CFHR1: variants seen among roughly 807,000 people sequenced by gnomAD.
CFHR1 encodes complement factor H-related protein 1.
A neutral mutation model predicts 30.4 loss-of-function variants in CFHR1; 22 were observed. The observed-to-expected ratio is 0.72, with a 90% CI of 0.52 to 1.03. The LOEUF (loss-of-function observed/expected upper bound fraction) is 1.03. CFHR1 is among the 50% of genes least tolerant of loss of function. The pLI is 0.00. For synonymous variants in CFHR1, 95 were observed against 129.1 expected (o/e 0.74, Z 1.79); for missense variants, 248 against 380.6 (o/e 0.65, Z 2.90).
rs1198215483 is a variant in CFHR1 at position 196,824,785 on chromosome 1, CGT to C, written c.59-679_59-678del. 3.6e-4 allele frequency among the ~76,000 whole-genome samples: 18 copies of C among 50,476 alleles called. 1 individual carries two copies. Among genetic ancestry groups the C allele is most frequent in the South Asian group, 1.5e-3 (2 of 1,312 alleles). 33.1% of individuals were successfully genotyped at this position (50,476 alleles called of 152,430 possible). The stretch of plus-strand genomic sequence containing the variant: ...ATATATATATATATATATATATGTG[CGT>C]GTGTGTGTGTGTTCACAAGTATAAA... On this transcript the variant is annotated intron_variant, in intron 1 of 5. Coordinates refer to ENST00000320493, the MANE Select transcript of CFHR1 (RefSeq NM_002113.3).
rs1325066690 is a variant in CFHR1, at chr1:196,822,550, C to A, written c.58+2648C>A. Among the ~76,000 whole-genome samples, 7 of 133,238 alleles carry A rather than the reference C, an allele frequency of 5.3e-5. 2 individuals carry two copies. The highest frequency in any genetic ancestry group is 9.4e-5 in the Non-Finnish European group (6 of 63,962). 87.4% of individuals were successfully genotyped at this position (133,238 alleles called of 152,430 possible). A position where few individuals can be genotyped will look rare whatever the true frequency, so the allele number is the denominator to read the frequency against. ...TAAACCTTTTTGTTAAAAACAGACA[C>A]AAACACACACATTAACCTCGGCCTA... On this transcript the variant is annotated intron_variant, in intron 1 of 5. Transcript: ENST00000320493.
intron 1 of CFHR1, among the ~76,000 whole-genome samples, chr1:196,822,452 A>C (rs1447547715): frequency 1.1e-5 from 1 of 91,392 alleles, no homozygotes; most frequent in East Asian, 2.9e-4. Flanking sequence ...AGAGATGTAC[A>C]AAAGATTTTT....
intron 1 of CFHR1, among the ~76,000 whole-genome samples, chr1:196,823,179 A>G (rs1655189811): frequency 1.5e-5 from 2 of 133,478 alleles, no homozygotes; most frequent in Non-Finnish European, 3.1e-5. Context: ...AAATATTGAG[A>G]CAATAAAAAT....
rs562122214 is a variant in CFHR1 at position 196,820,530 on chromosome 1, G to A, written c.58+628G>A. ...CTGCTTCTTATGATATTTTATAAAC[G>A]GTCCCATTTTATTTCATGTTGAAAT... On this transcript the variant is annotated intron_variant, in intron 1 of 5. Coordinates refer to ENST00000320493, the MANE Select transcript of CFHR1 (RefSeq NM_002113.3). Among the ~76,000 whole-genome samples the A allele has an allele frequency of 3.8e-3, 453 of 119,466 alleles. 3 individuals are homozygous for A. The highest frequency in any genetic ancestry group is 0.016 in the African/African-American group (412 of 26,014). 78.4% of individuals were successfully genotyped at this position (119,466 alleles called of 152,430 possible). A position where few individuals can be genotyped will look rare whatever the true frequency, so the allele number is the denominator to read the frequency against.
At position 196,825,655 on chromosome 1, in the gene CFHR1, A is replaced by C; in HGVS notation, c.237A>C (p.Pro79=). 2 of 1,523,870 alleles carry C rather than the reference A, an allele frequency of 1.3e-6. 1 individual carries two copies. The highest frequency in any genetic ancestry group is 1.8e-6 in the Non-Finnish European group (2 of 1,128,082). The allele number at this position is 1,523,870 out of a possible 1,614,324, so 94.4% of individuals were successfully genotyped here. Residue 79 remains proline, a synonymous_variant, in exon 2 of 6, where the codon CCA becomes CCC. Coordinates refer to ENST00000320493, the MANE Select transcript of CFHR1 (RefSeq NM_002113.3). ...CATGCACAGAAGAAGGATGGTCACC[A>C]ACACCAAAGTGTCTCAGTGAGTAAA... ...RITCTEEGWS[P]TPKCLRLCFF... is the part of the protein sequence containing the mutation.
intron 3 of CFHR1, 60 bp downstream of exon 3, chr1:196,827,065 A>T (rs1655357087): frequency 1.4e-6 from 2 of 1,438,712 alleles, no homozygotes; most frequent in East Asian, 4.5e-5. Context: ...AGAGAAATAA[A>T]TCTTTTTTAC....
rs1655203948 is a variant in CFHR1 at position 196,823,503 on chromosome 1, A to G, written c.59-1974A>G. Among the ~76,000 whole-genome samples the G allele has an allele frequency of 1.5e-5, 2 of 135,156 alleles. 1 individual carries two copies. The highest frequency in any genetic ancestry group is 3.1e-5 in the Non-Finnish European group (2 of 64,278). The allele number at this position is 135,156 out of a possible 152,430, so 88.7% of individuals were successfully genotyped here. On this transcript the variant is annotated intron_variant, in intron 1 of 5. Transcript: ENST00000320493. Reference sequence around the variant, plus strand: ...CTCAACACCTTTACCAAAACTATCTAATGTCAAATTTTAAACAGTTAGATA... The same window carrying G: ...CTCAACACCTTTACCAAAACTATCTGATGTCAAATTTTAAACAGTTAGATA...
At chr1:196,828,025 T>C in intron 3 of CFHR1, 45 bp from the exon 4 acceptor site, 6 of 1,479,938 alleles carry the variant, frequency 4.1e-6, no homozygotes, top group Non-Finnish European at 5.4e-6. Flanking sequence ...GATTTGCTAC[T>C]CAAAATGAAC....
Position 196,826,788 on chromosome 1 carries a change from G to A in CFHR1, c.254-41G>A, listed in dbSNP as rs186530184. 2,848 of 1,451,366 alleles carry A rather than the reference G, an allele frequency of 2.0e-3. 418 individuals are homozygous for A. Among genetic ancestry groups the A allele is most frequent in the Non-Finnish European group, 1.9e-3 (2,013 of 1,065,434 alleles). The allele number at this position is 1,451,366 out of a possible 1,614,324, so 89.9% of individuals were successfully genotyped here. A position where few individuals can be genotyped will look rare whatever the true frequency, so the allele number is the denominator to read the frequency against. On this transcript the variant is annotated intron_variant, in intron 2 of 5. Transcript: ENST00000320493. ...TAAAATGCAGTTGTACTTTTTCTTTGCTACTTCCATCTTGTACATTAATCC... is the reference window on the plus strand; with the variant it reads ...TAAAATGCAGTTGTACTTTTTCTTTACTACTTCCATCTTGTACATTAATCC...
Position 196,825,871 on chromosome 1 carries a change from G to A in CFHR1, c.253+200G>A. On this transcript the variant is annotated intron_variant, in intron 2 of 5. Coordinates refer to ENST00000320493, the MANE Select transcript of CFHR1 (RefSeq NM_002113.3). ...ATATGTCAACTGTCTTGTGTTACCT[G>A]GAAATGCTCTACGTGTTGAAATATA... is the stretch of plus-strand genomic sequence containing the variant. The A allele has an allele frequency of 4.0e-6, 2 of 494,846 alleles. 1 individual carries two copies. The highest frequency in any genetic ancestry group is 5.1e-5 in the African/African-American group (2 of 39,270). 30.7% of individuals were successfully genotyped at this position (494,846 alleles called of 1,614,324 possible). A position where few individuals can be genotyped will look rare whatever the true frequency, so the allele number is the denominator to read the frequency against.
Position 196,828,227 on chromosome 1 carries a change from A to G in CFHR1, c.588A>G (p.Thr196=), listed in dbSNP as rs3201739. ...TGATGTGTTTAAATGGAAACTGGAC[A>G]GAACCACCTCAATGCAAAGGTAGAG... is the stretch of plus-strand genomic sequence containing the variant. ...EEVMCLNGNW[T]EPPQCKDSTG... Residue 196 remains threonine, a synonymous_variant, in exon 4 of 6, where the codon ACA becomes ACG. Transcript: ENST00000320493. 0.15 allele frequency: 137,061 copies of G among 937,300 alleles called. 51,416 individuals carry two copies. Among genetic ancestry groups the G allele is most frequent in the East Asian group, 0.36 (9,447 of 26,438 alleles). 58.1% of individuals were successfully genotyped at this position (937,300 alleles called of 1,614,324 possible).
chr1:196,829,340 C>T lies in CFHR1; in HGVS notation c.607+1094C>T, dbSNP rs1310231174. Among the ~76,000 whole-genome samples, 5 of 135,146 alleles carry T rather than the reference C, an allele frequency of 3.7e-5. 2 individuals carry two copies. Among genetic ancestry groups the T allele is most frequent in the African/African-American group, 1.6e-4 (5 of 31,656 alleles). 88.7% of individuals were successfully genotyped at this position (135,146 alleles called of 152,430 possible). A position where few individuals can be genotyped will look rare whatever the true frequency, so the allele number is the denominator to read the frequency against. On this transcript the variant is annotated intron_variant, in intron 4 of 5. Coordinates refer to ENST00000320493, the MANE Select transcript of CFHR1 (RefSeq NM_002113.3). ...AAACTCATTTGCTTCAAATATCAAA[C>T]ATAATTGAAAAAACTTATGAGGAAA...
intron 1 of CFHR1, among the ~76,000 whole-genome samples, chr1:196,822,751 T>A (rs10801568): frequency 7.5e-6 from 1 of 133,896 alleles, no homozygotes; most frequent in East Asian, 2.0e-4. Context: ...CAGTTAATTT[T>A]TTTAATCAAT....
intron 1 of CFHR1, 112 bp from the exon 2 acceptor site, chr1:196,825,365 C>T: frequency 1.2e-6 from 1 of 804,336 alleles, no homozygotes; most frequent in Non-Finnish European, 1.9e-6. Flanking sequence ...AAGCTAAAGG[C>T]ATTTAAGCTA....
rs1424300592 is a variant in CFHR1, at chr1:196,822,934, A to G, written c.59-2543A>G. Among the ~76,000 whole-genome samples the G allele has an allele frequency of 1.1e-4, 15 of 134,184 alleles. 2 individuals carry two copies. Among genetic ancestry groups the G allele is most frequent in the Admixed American group, 4.3e-4 (6 of 13,882 alleles). The allele number at this position is 134,184 out of a possible 152,430, so 88.0% of individuals were successfully genotyped here. ...TTGTTTACCCCCGGCATTGCCACAA[A>G]TATGTGAGTAATATATTGCACTGCA... On this transcript the variant is annotated intron_variant, in intron 1 of 5. Transcript: ENST00000320493.
intron 1 of CFHR1, among the ~76,000 whole-genome samples, chr1:196,823,101 A>ATATATGTGTG (rs1553292704): frequency 2.1e-5 from 1 of 47,034 alleles, no homozygotes; most frequent in African/African-American, 1.1e-4. Context: ...ATATATATAT[A>ATATATGTGTG]TGTGTGTGTG....
At position 196,830,102 on chromosome 1, in the gene CFHR1, T is replaced by C. The variant is rs1455199570; in HGVS notation, c.608-398T>C. On this transcript the variant is annotated intron_variant, in intron 4 of 5. Transcript: ENST00000320493. ...AAATTTTTATCATACTTTTCCATTT[T>C]ATAATTCCTACGGGATTTTTAAGAA... Among the ~76,000 whole-genome samples the C allele has an allele frequency of 3.7e-5, 5 of 135,612 alleles. 1 individual carries two copies. Among genetic ancestry groups the C allele is most frequent in the Non-Finnish European group, 6.2e-5 (4 of 64,418 alleles). 89.0% of individuals were successfully genotyped at this position (135,612 alleles called of 152,430 possible).
chr1:196,824,221 A>G (rs1368809713), intron 1 of CFHR1, among the ~76,000 whole-genome samples: 1 of 131,852 alleles, frequency 7.6e-6, no homozygotes, highest in African/African-American at 3.3e-5. Context: ...ATTTGTACAT[A>G]ACCTGTGCAT....
In CFHR1 at chr1:196,831,063, C is replaced by T. The variant is rs1348032085; in HGVS notation, c.790+381C>T. ...AGGAAAATGGCGGGAACCCGGGAGG[C>T]GGAGCTTGCAGTGAGCCGAGTTCGC... On this transcript the variant is annotated intron_variant, in intron 5 of 5. Coordinates refer to ENST00000320493, the MANE Select transcript of CFHR1 (RefSeq NM_002113.3). Among the ~76,000 whole-genome samples, 10 of 135,012 alleles carry T rather than the reference C, an allele frequency of 7.4e-5. 3 individuals are homozygous for T. The highest frequency in any genetic ancestry group is 5.1e-4 in the South Asian group (2 of 3,904). 88.6% of individuals were successfully genotyped at this position (135,012 alleles called of 152,430 possible).
Sources: allele counts gnomAD v4.1 joint callset (sites outside exome capture counted in the v4.1 genomes callset), GRCh38; gene constraint gnomAD v4.1.1; transcripts MANE v1.5; gene names NCBI Gene and HGNC (gene_info 2026-07-23, HGNC 2026-07-21).